The following INO80C variants were observed in gnomAD, a reference collection of about 807,000 sequenced individuals.
INO80C encodes IES6 homolog.
In INO80C, 17 loss-of-function variants were observed where a neutral mutation model predicts 17.7. The observed-to-expected ratio is 0.96, with a 90% CI of 0.66 to 1.44. INO80C has a LOEUF of 1.44. INO80C is among the 40% of genes most tolerant of loss of function. The pLI is 0.00. For synonymous variants in INO80C, 96 were observed against 95.8 expected (o/e 1.00, Z -0.01); for missense variants, 244 against 245.0 (o/e 1.00, Z 0.03).
At chr18:35,473,926 C>T (rs138875579) in intron 4 of INO80C, among the ~76,000 whole-genome samples, 150 of 151,546 alleles carry the variant, frequency 9.9e-4, no homozygotes, top group Middle Eastern at 3.4e-3. Flanking sequence ...ACTGAGCTAC[C>T]ACAGGAAAAA....
At chr18:35,492,477 G>C (rs934510542) in intron 1 of INO80C, among the ~76,000 whole-genome samples, 1 of 152,080 alleles carries the variant, frequency 6.6e-6, no homozygotes, top group East Asian at 1.9e-4. Context: ...TCTACATGTA[G>C]AAAACACAAA....
chr18:35,478,406 T>A, intron 3 of INO80C, 57 bp from the exon 4 acceptor site: 1 of 1,303,488 alleles, frequency 7.7e-7, no homozygotes, highest in Non-Finnish European at 1.1e-6. Flanking sequence ...TCAAATCCCT[T>A]CTCTTTTTTT....
At chr18:35,495,776 G>A (rs118144332) in intron 1 of INO80C, among the ~76,000 whole-genome samples, 1 of 152,120 alleles carries the variant, frequency 6.6e-6, no homozygotes, top group African/African-American at 2.4e-5. Context: ...TCTGGCAAAG[G>A]AGTCTAATCA....
At chr18:35,497,541 G>A (rs1158300029) in intron 1 of INO80C, 178 bp downstream of exon 1, 3 of 1,406,566 alleles carry the variant, frequency 2.1e-6, no homozygotes, top group Non-Finnish European at 2.8e-6. Context: ...GGCGTTGTAA[G>A]CCCATGTGTC....
chr18:35,491,389 G>A (rs1292910896), intron 1 of INO80C, among the ~76,000 whole-genome samples: 15 of 152,140 alleles, frequency 9.9e-5, no homozygotes, highest in Non-Finnish European at 1.6e-4. Flanking sequence ...GTTTTTGAAA[G>A]GGACCCCTCC....
At position 35,480,719 on chromosome 18, in the gene INO80C, C is replaced by T. The variant is rs529480404; in HGVS notation, c.157-156G>A. On this transcript the variant is annotated intron_variant, in intron 1 of 4. Coordinates refer to ENST00000334598, the MANE Select transcript of INO80C (RefSeq NM_194281.4). ...AGGCAGCCTGCCCTAGGGGAGGGCA[C>T]ACCACACGGGGAGTAGCACCTGCTG... 3.3e-5 allele frequency among the ~76,000 whole-genome samples: 5 copies of T among 152,326 alleles called. No homozygotes were observed. The South Asian group carries it at 1.0e-3, about 32-fold the overall frequency.
intron 1 of INO80C, among the ~76,000 whole-genome samples, chr18:35,488,384 C>T (rs963118593): frequency 6.6e-6 from 1 of 152,220 alleles, no homozygotes; most frequent in African/African-American, 2.4e-5. Flanking sequence ...GTGGAGGTTC[C>T]CAAACCTCAA....
chr18:35,497,587 G>C (rs895624377), intron 1 of INO80C, 132 bp downstream of exon 1: 168 of 1,430,974 alleles, frequency 1.2e-4, no homozygotes, highest in Non-Finnish European at 1.5e-4. Context: ...CACTCCGCGG[G>C]GCAGCGTCTT....
rs758141765 is a variant in INO80C, at chr18:35,497,710, A to T, written c.156+9T>A. 6.2e-7 allele frequency: 1 copy of T among 1,609,574 alleles called. No individual in the cohort carries two copies. Among genetic ancestry groups the T allele is most frequent in the African/African-American group, 1.3e-5 (1 of 74,582 alleles). ...CGCGCACGCGCAGCCTGGGAGCGCGACTGCGTACCTGCGCAAAGCTGGAAG... is the reference window on the plus strand; with the variant it reads ...CGCGCACGCGCAGCCTGGGAGCGCGTCTGCGTACCTGCGCAAAGCTGGAAG... On this transcript the variant is annotated intron_variant, in intron 1 of 4. Coordinates refer to ENST00000334598, the MANE Select transcript of INO80C (RefSeq NM_194281.4).
At chr18:35,492,738 C>T (rs992874904) in intron 1 of INO80C, among the ~76,000 whole-genome samples, 1 of 152,170 alleles carries the variant, frequency 6.6e-6, no homozygotes, top group South Asian at 2.1e-4. Context: ...ATTATCTGCC[C>T]TATCCTCCTA....
intron 1 of INO80C, among the ~76,000 whole-genome samples, chr18:35,494,430 T>G (rs988248855): frequency 6.6e-6 from 1 of 152,206 alleles, no homozygotes; most frequent in African/African-American, 2.4e-5. Context: ...ATAAATCTTT[T>G]AAATCTGAGT....
intron 1 of INO80C, among the ~76,000 whole-genome samples, chr18:35,489,848 G>A (rs989544775): frequency 6.6e-6 from 1 of 152,114 alleles, no homozygotes; most frequent in African/African-American, 2.4e-5. Context: ...CTGCATGTGG[G>A]CATCTGGGCC....
At position 35,497,097 on chromosome 18, in the gene INO80C, C is replaced by A. The variant is rs149973162; in HGVS notation, c.156+622G>T. ...AGAGAAAACACTAATCAAGCCACTC[C>A]CTGCTGAAAATTCATTGCTGGAATT... On this transcript the variant is annotated intron_variant, in intron 1 of 4. Transcript: ENST00000334598. 3.3e-3 allele frequency among the ~76,000 whole-genome samples: 505 copies of A among 152,214 alleles called. 7 individuals are homozygous for A. The highest frequency in any genetic ancestry group is 0.012 in the African/African-American group (487 of 41,530).
chr18:35,476,887 G>C (rs1354667532), intron 4 of INO80C, among the ~76,000 whole-genome samples: 1 of 152,042 alleles, frequency 6.6e-6, no homozygotes, highest in East Asian at 1.9e-4. Context: ...GAAAAAGAAA[G>C]ACCCAACAAC....
chr18:35,485,973 T>C (rs559758930), intron 1 of INO80C, among the ~76,000 whole-genome samples: 221 of 151,964 alleles, frequency 1.5e-3, no homozygotes, highest in Non-Finnish European at 2.4e-3. Context: ...AAAAATAAAA[T>C]AAAAAAGTAA....
At chr18:35,473,421 C>G (rs1400905645) in intron 4 of INO80C, among the ~76,000 whole-genome samples, 1 of 152,172 alleles carries the variant, frequency 6.6e-6, no homozygotes, top group East Asian at 1.9e-4. Flanking sequence ...AGGTGGAGCT[C>G]ACGCAGAGCT....
intron 1 of INO80C, among the ~76,000 whole-genome samples, chr18:35,488,295 G>T (rs2045897618): frequency 6.6e-6 from 1 of 152,302 alleles, no homozygotes; most frequent in Non-Finnish European, 1.5e-5. Flanking sequence ...CCTAGTAGAG[G>T]TTCTCTGTAA....
intron 4 of INO80C, among the ~76,000 whole-genome samples, chr18:35,476,092 A>G (rs1214243919): frequency 6.6e-6 from 1 of 152,264 alleles, no homozygotes; most frequent in Non-Finnish European, 1.5e-5. Flanking sequence ...TATTGTAAAC[A>G]TGAAAGTAAC....
chr18:35,470,956 T>C lies in INO80C; in HGVS notation c.448-2214A>G, dbSNP rs527259959. On this transcript the variant is annotated intron_variant, in intron 4 of 4. Coordinates refer to ENST00000334598, the MANE Select transcript of INO80C (RefSeq NM_194281.4). The stretch of plus-strand genomic sequence containing the variant: ...AAACAGCTTCAGGCCCCCCTTGCTG[T>C]AGGGTGACAGGCAGTATTCACGGCT... 2.6e-5 allele frequency among the ~76,000 whole-genome samples: 4 copies of C among 152,276 alleles called. No homozygotes were observed. The South Asian group carries it at 8.3e-4, about 32-fold the overall frequency.
Sources: allele counts gnomAD v4.1 joint callset (sites outside exome capture counted in the v4.1 genomes callset), GRCh38; gene constraint gnomAD v4.1.1; transcripts MANE v1.5; gene names NCBI Gene and HGNC (gene_info 2026-07-23, HGNC 2026-07-21).